SUPT3H: variants seen among roughly 807,000 people sequenced by gnomAD.
SUPT3H encodes the protein transcription initiation protein SPT3 homolog.
In SUPT3H, 44 loss-of-function variants were observed where a neutral mutation model predicts 44.3. The observed-to-expected ratio is 0.99, with a 90% CI of 0.78 to 1.28. SUPT3H has a LOEUF of 1.28. SUPT3H is among the 50% of genes most tolerant of loss of function. The probability of loss-of-function intolerance (pLI) is 0.00; values close to 1 mark genes in which losing one functional copy is unlikely to be tolerated. For missense variants in SUPT3H, 380 were observed against 387.1 expected (o/e 0.98, Z 0.15); for synonymous variants, 124 against 125.6 (o/e 0.99, Z 0.09).
At chr6:44,861,086 GTTT>G (rs1225804392) in intron 10 of SUPT3H, among the ~76,000 whole-genome samples, 4 of 151,768 alleles carry the variant, frequency 2.6e-5, no homozygotes, top group African/African-American at 7.3e-5. Context: ...GTTTTGTTTT[GTTT>G]TTTTATTTTT....
chr6:44,826,687 A>G (rs1020215348), downstream of SUPT3H, among the ~76,000 whole-genome samples: 1 of 152,220 alleles, frequency 6.6e-6, no homozygotes, highest in African/African-American at 2.4e-5. Flanking sequence ...AAAATTCATA[A>G]AATTAAACTT....
intron 6 of SUPT3H, among the ~76,000 whole-genome samples, chr6:44,985,247 A>ATAAC (rs1779638951): frequency 6.6e-6 from 1 of 151,432 alleles, no homozygotes; most frequent in South Asian, 2.1e-4. Context: ...AAATAAATAA[A>ATAAC]ATAGCCAGGC....
At chr6:45,266,341 G>A (rs1469842379) in intron 2 of SUPT3H, among the ~76,000 whole-genome samples, 1 of 151,746 alleles carries the variant, frequency 6.6e-6, no homozygotes, top group Non-Finnish European at 1.5e-5. Flanking sequence ...AATAATGAGT[G>A]CTTAGGACTT....
intron 2 of SUPT3H, among the ~76,000 whole-genome samples, chr6:45,317,186 C>T (rs62400317): frequency 0.23 from 31,440 of 136,360 alleles, 4,191 homozygotes; most frequent in Non-Finnish European, 0.31. Flanking sequence ...GAGATCACAC[C>T]ACTTGCACTT....
chr6:45,161,518 T>C (rs1195197830), intron 2 of SUPT3H, among the ~76,000 whole-genome samples: 1 of 152,154 alleles, frequency 6.6e-6, no homozygotes, highest in African/African-American at 2.4e-5. Flanking sequence ...CTACAACAAA[T>C]TGTGTGAGAC....
chr6:45,270,204 T>C (rs1775897247), intron 2 of SUPT3H, among the ~76,000 whole-genome samples: 1 of 152,164 alleles, frequency 6.6e-6, no homozygotes, highest in South Asian at 2.1e-4. Flanking sequence ...TAAATGATGA[T>C]ACCAGCCACT....
intron 10 of SUPT3H, among the ~76,000 whole-genome samples, chr6:44,844,551 G>C (rs1771553207): frequency 6.6e-6 from 1 of 152,126 alleles, no homozygotes; most frequent in South Asian, 2.1e-4. Context: ...ACACTCTTCA[G>C]CAATAAAAAA....
chr6:45,103,549 T>C (rs73447067), intron 3 of SUPT3H, among the ~76,000 whole-genome samples: 1,817 of 151,496 alleles, frequency 0.012, 42 homozygotes, highest in African/African-American at 0.042. Flanking sequence ...ACTGACTAAA[T>C]AGCATATTAG....
At chr6:45,312,948 C>T (rs953784683) in intron 2 of SUPT3H, among the ~76,000 whole-genome samples, 1 of 152,068 alleles carries the variant, frequency 6.6e-6, no homozygotes, top group African/African-American at 2.4e-5. Flanking sequence ...TTTCTCAGAC[C>T]ACAGTGGAAT....
At chr6:45,069,113 A>G (rs991374835) in intron 3 of SUPT3H, among the ~76,000 whole-genome samples, 1 of 152,224 alleles carries the variant, frequency 6.6e-6, no homozygotes, top group South Asian at 2.1e-4. Context: ...ATGTGAATGT[A>G]AAATACTGAA....
chr6:45,195,847 T>A (rs1000637527), intron 2 of SUPT3H, among the ~76,000 whole-genome samples: 1 of 152,126 alleles, frequency 6.6e-6, no homozygotes, highest in African/African-American at 2.4e-5. Context: ...AGTCTTTAGT[T>A]TGAATCTCAC....
chr6:45,315,623 C>T (rs1286832368), intron 2 of SUPT3H, among the ~76,000 whole-genome samples: 1 of 151,988 alleles, frequency 6.6e-6, no homozygotes, highest in Non-Finnish European at 1.5e-5. Flanking sequence ...AGAATCAAAA[C>T]ACAGTAGATG....
At chr6:45,102,956 A>C (rs904340807) in intron 3 of SUPT3H, among the ~76,000 whole-genome samples, 1 of 152,118 alleles carries the variant, frequency 6.6e-6, no homozygotes, top group Non-Finnish European at 1.5e-5. Flanking sequence ...AGAAAAAAAA[A>C]AAAAGATGTT....
chr6:45,025,867 A>G (rs914775414), intron 3 of SUPT3H, among the ~76,000 whole-genome samples: 15 of 140,738 alleles, frequency 1.1e-4, no homozygotes, highest in Non-Finnish European at 7.6e-5. Flanking sequence ...TGGATGACAG[A>G]GCGAGACTCC....
At chr6:44,968,875 T>C (rs945723418) in intron 6 of SUPT3H, among the ~76,000 whole-genome samples, 1 of 152,150 alleles carries the variant, frequency 6.6e-6, no homozygotes, top group Admixed American at 6.5e-5. Context: ...ATCTCGGCCA[T>C]TCTACCTCAG....
chr6:45,250,938 GGGACTACACA>G (rs1772264298), intron 2 of SUPT3H: 1 of 151,872 alleles, frequency 6.6e-6, no homozygotes, highest in Admixed American at 6.6e-5. Context: ...GCAAGTAGCT[GGGACTACACA>G]TGAGTACTAC....
intron 11 of SUPT3H, among the ~76,000 whole-genome samples, chr6:44,821,240 C>G (rs995146255): frequency 6.6e-6 from 1 of 152,096 alleles, no homozygotes; most frequent in Non-Finnish European, 1.5e-5. Context: ...TTCTAAACAC[C>G]GAGTACTCAT....
At chr6:45,258,237 T>A (rs1031347818) in intron 2 of SUPT3H, among the ~76,000 whole-genome samples, 2 of 152,238 alleles carry the variant, frequency 1.3e-5, no homozygotes, top group Non-Finnish European at 2.9e-5. Flanking sequence ...TCAAAGAACA[T>A]GTTTATGTAA....
At chr6:45,307,931 A>C (rs982769115) in intron 2 of SUPT3H, among the ~76,000 whole-genome samples, 3 of 152,226 alleles carry the variant, frequency 2.0e-5, no homozygotes, top group African/African-American at 7.2e-5. Context: ...ATGGAGCTGA[A>C]AACCACGGCA....
Sources: gnomAD v4.1 joint callset for allele counts (sites outside exome capture counted in the v4.1 genomes callset) on GRCh38, gnomAD v4.1.1 for gene constraint, MANE v1.5 for transcripts, NCBI Gene and HGNC (gene_info 2026-07-23, HGNC 2026-07-21) for gene names.